Variants in WWOX observed in about 807,000 individuals in gnomAD.
The protein encoded by WWOX is WW domain-containing oxidoreductase.
In WWOX, 69 loss-of-function variants were observed where a neutral mutation model predicts 46.2. That is an observed-to-expected ratio of 1.49 (90% confidence interval 1.23 to 1.82). The LOEUF is 1.82. WWOX is among the 40% of genes most tolerant of loss of function. WWOX has a pLI of 0.00. For missense variants in WWOX, 919 were observed against 542.6 expected, an observed-to-expected ratio of 1.69 and a Z score of -6.89; for synonymous variants, 359 against 202.6, an observed-to-expected ratio of 1.77 and a Z score of -6.56.
intron 4 of WWOX, among the ~76,000 whole-genome samples, chr16:78,141,630 G>A (rs1374682117): frequency 1.3e-5 from 2 of 152,032 alleles, no homozygotes; most frequent in East Asian, 1.9e-4. Flanking sequence ...TAGCAGTTAC[G>A]TAGACATACT....
intron 8 of WWOX, among the ~76,000 whole-genome samples, chr16:79,033,793 C>T (rs2656641): frequency 0.13 from 19,802 of 152,214 alleles, 1,361 homozygotes; most frequent in African/African-American, 0.18. Flanking sequence ...CTTGGTACCT[C>T]ATATAAGTGG....
chr16:78,663,664 C>T (rs919658022), intron 8 of WWOX, among the ~76,000 whole-genome samples: 4 of 152,094 alleles, frequency 2.6e-5, no homozygotes, highest in Non-Finnish European at 2.9e-5. Context: ...CAGGATGTGT[C>T]TTGACATGTC....
At position 78,737,809 on chromosome 16, in the gene WWOX, G is replaced by T. The variant is rs111577297; in HGVS notation, c.1056+305057G>T. ...AAACTTTTACAGAGTGTTTGCAGAA[G>T]AGAAGCCTGTAAACTCTGGAGTGTG... is the stretch of plus-strand genomic sequence containing the variant. On this transcript the variant is annotated intron_variant, in intron 8 of 8. Transcript: ENST00000566780. Among the ~76,000 whole-genome samples the T allele has an allele frequency of 1.6e-3, 251 of 152,282 alleles. 1 individual carries two copies. Among genetic ancestry groups the T allele is most frequent in the African/African-American group, 5.9e-3 (244 of 41,564 alleles).
intron 5 of WWOX, among the ~76,000 whole-genome samples, chr16:78,304,222 C>G (rs2080093002): frequency 6.6e-6 from 1 of 152,232 alleles, no homozygotes; most frequent in African/African-American, 2.4e-5. Context: ...CTCATCATTA[C>G]TCATCCTCTG....
rs764757290 is a variant in WWOX, at chr16:78,570,380, C to G, written c.1056+137628C>G. The stretch of plus-strand genomic sequence containing the variant: ...CTGGAGTGTGGTGGTGCAATCATAA[C>G]TCACTGCAGCCTCGGTCTCCTGGGC... On this transcript the variant is annotated intron_variant, in intron 8 of 8. Coordinates refer to ENST00000566780, the MANE Select transcript of WWOX (RefSeq NM_016373.4). Among the ~76,000 whole-genome samples, 93 of 152,174 alleles carry G rather than the reference C, an allele frequency of 6.1e-4. 1 individual carries two copies. The highest frequency in any genetic ancestry group is 2.6e-4 in the Non-Finnish European group (18 of 68,034).
chr16:78,502,109 C>T (rs1340954739), intron 8 of WWOX, among the ~76,000 whole-genome samples: 1 of 152,196 alleles, frequency 6.6e-6, no homozygotes, highest in South Asian at 2.1e-4. Flanking sequence ...CCTTCCCAGG[C>T]ACACATCCAC....
chr16:78,981,747 C>T (rs1188484662), intron 8 of WWOX: 1 of 152,112 alleles, frequency 6.6e-6, no homozygotes, highest in African/African-American at 2.4e-5. Context: ...TAATTTAAGC[C>T]CTCTACATCC....
intron 8 of WWOX, among the ~76,000 whole-genome samples, chr16:79,175,957 C>G (rs1421636457): frequency 1.3e-5 from 2 of 152,168 alleles, no homozygotes; most frequent in Non-Finnish European, 2.9e-5. Flanking sequence ...CCACCCTTGC[C>G]TGTCAAATTC....
chr16:78,689,806 C>T (rs923157679), intron 8 of WWOX, among the ~76,000 whole-genome samples: 1 of 152,316 alleles, frequency 6.6e-6, no homozygotes. Flanking sequence ...AATAATCCTG[C>T]ATAAAGTCTT....
At chr16:78,213,178 G>T (rs1253251062) in intron 5 of WWOX, among the ~76,000 whole-genome samples, 1 of 150,584 alleles carries the variant, frequency 6.6e-6, no homozygotes, top group East Asian at 2.0e-4. Context: ...TTGAACCGTG[G>T]AGGCAGAGGC....
At chr16:78,835,901 T>C (rs2051968512) in intron 8 of WWOX, among the ~76,000 whole-genome samples, 1 of 152,230 alleles carries the variant, frequency 6.6e-6, no homozygotes. Flanking sequence ...TAAACAGAGC[T>C]CTGAGTTGTA....
chr16:79,047,672 A>ATTTTTTTTTTT (rs71140858), intron 8 of WWOX, among the ~76,000 whole-genome samples: 3 of 53,542 alleles, frequency 5.6e-5, no homozygotes, highest in Non-Finnish European at 1.1e-4. Context: ...GACTGTCCTG[A>ATTTTTTTTTTT]TTTTTTTTTT....
At chr16:79,179,956 A>G (rs574893767) in intron 8 of WWOX, among the ~76,000 whole-genome samples, 3 of 152,350 alleles carry the variant, frequency 2.0e-5, no homozygotes, top group African/African-American at 4.8e-5. Context: ...AAGTTTACAT[A>G]CAAGACTTAA....
intron 8 of WWOX, among the ~76,000 whole-genome samples, chr16:78,786,427 G>A (rs1408554586): frequency 3.3e-5 from 5 of 152,146 alleles, no homozygotes; most frequent in Non-Finnish European, 2.9e-5. Context: ...GACTTCAAGA[G>A]CATAGGTAAC....
chr16:78,308,885 C>T (rs1395449275), intron 5 of WWOX, among the ~76,000 whole-genome samples: 8 of 152,070 alleles, frequency 5.3e-5, no homozygotes, highest in Non-Finnish European at 7.4e-5. Context: ...CTACCTGATA[C>T]GGTTTGGCCG....
chr16:78,121,921 C>T (rs537830955), intron 4 of WWOX, among the ~76,000 whole-genome samples: 1 of 152,178 alleles, frequency 6.6e-6, no homozygotes, highest in East Asian at 1.9e-4. Context: ...TCAACCTCCC[C>T]AAATGCTGGG....
intron 8 of WWOX, among the ~76,000 whole-genome samples, chr16:78,771,771 CACA>C (rs2050069683): frequency 9.2e-6 from 1 of 108,124 alleles, no homozygotes; most frequent in Non-Finnish European, 1.9e-5. Context: ...GACTCTGTCT[CACA>C]ATAAATAAAT....
At chr16:78,536,133 T>G (rs1401197062) in intron 8 of WWOX, among the ~76,000 whole-genome samples, 1 of 152,106 alleles carries the variant, frequency 6.6e-6, no homozygotes. Context: ...TCCTATTATA[T>G]CCTTAGGTTT....
chr16:79,121,992 T>C (rs551051198), intron 8 of WWOX, among the ~76,000 whole-genome samples: 4 of 152,274 alleles, frequency 2.6e-5, no homozygotes, highest in East Asian at 3.9e-4. Context: ...CAGGCTCCTC[T>C]AGGTACAATA....
Sources: allele counts gnomAD v4.1 joint callset (sites outside exome capture counted in the v4.1 genomes callset), GRCh38; gene constraint gnomAD v4.1.1; transcripts MANE v1.5; gene names NCBI Gene and HGNC (gene_info 2026-07-23, HGNC 2026-07-21).